PLS1: variants seen among roughly 807,000 people sequenced by gnomAD.
The protein encoded by PLS1 is plastin 1.
In PLS1, 32 loss-of-function variants were observed where a neutral mutation model predicts 73.7. That is an observed-to-expected ratio of 0.43 (90% CI 0.33 to 0.58). The LOEUF (loss-of-function observed/expected upper bound fraction) is 0.58. Among genes scored for constraint, PLS1 ranks in the 20% least tolerant of loss-of-function variants. The pLI is 0.04. For missense variants in PLS1, 633 were observed against 740.5 expected (o/e 0.85, Z 1.68); for synonymous variants, 217 against 261.3 (o/e 0.83, Z 1.63).
chr3:142,641,264 A>G (rs1033201947), intron 1 of PLS1, among the ~76,000 whole-genome samples: 3 of 145,680 alleles, frequency 2.1e-5, no homozygotes, highest in African/African-American at 7.5e-5. Context: ...TCTATATATT[A>G]TATGTATTAT....
intron 1 of PLS1, among the ~76,000 whole-genome samples, chr3:142,617,770 G>A (rs2036241127): frequency 1.3e-5 from 2 of 152,094 alleles, no homozygotes; most frequent in Admixed American, 1.3e-4. Context: ...TTGAGGTCGG[G>A]AGTTTAAGAC....
intron 1 of PLS1, among the ~76,000 whole-genome samples, chr3:142,641,298 A>G (rs1375878182): frequency 6.8e-6 from 1 of 146,176 alleles, no homozygotes; most frequent in Non-Finnish European, 1.5e-5. Flanking sequence ...TTATATATAG[A>G]TAAATAATAT....
At chr3:142,668,708 T>C (rs919332983) in intron 2 of PLS1, among the ~76,000 whole-genome samples, 1 of 152,004 alleles carries the variant, frequency 6.6e-6, no homozygotes, top group African/African-American at 2.4e-5. Flanking sequence ...TTCAAGTGAT[T>C]CTCTTACCTC....
At chr3:142,643,110 T>C (rs2036876581) in intron 1 of PLS1, among the ~76,000 whole-genome samples, 1 of 152,146 alleles carries the variant, frequency 6.6e-6, no homozygotes, top group Admixed American at 6.6e-5. Context: ...GGTTGCAAAT[T>C]GTAGAAGCTG....
intron 1 of PLS1, among the ~76,000 whole-genome samples, chr3:142,600,913 TATA>T (rs1284692872): frequency 2.8e-4 from 8 of 28,686 alleles, no homozygotes; most frequent in Middle Eastern, 0.013. Flanking sequence ...TATATATATA[TATA>T]TTTTTTTTTT....
At chr3:142,628,689 TCA>T (rs1451862950) in intron 1 of PLS1, among the ~76,000 whole-genome samples, 1 of 152,234 alleles carries the variant, frequency 6.6e-6, no homozygotes, top group Non-Finnish European at 1.5e-5. Context: ...CCATGAAGAA[TCA>T]CTTTCAAACT....
At chr3:142,655,267 T>C (rs2037197487) in intron 1 of PLS1, among the ~76,000 whole-genome samples, 1 of 152,178 alleles carries the variant, frequency 6.6e-6, no homozygotes, top group African/African-American at 2.4e-5. Flanking sequence ...TTCCAAGCTG[T>C]CAAGTTGAGA....
At chr3:142,701,968 C>G (rs1481118922) in intron 12 of PLS1, among the ~76,000 whole-genome samples, 2 of 152,158 alleles carry the variant, frequency 1.3e-5, no homozygotes, top group Non-Finnish European at 2.9e-5. Context: ...ATTCTTACAG[C>G]ATATATTTCT....
In PLS1 at chr3:142,711,904, C is replaced by A; in HGVS notation, c.1787C>A (p.Ala596Asp). The change falls in exon 16 of 16, where the codon GCC (alanine) becomes GAC (aspartate). Residue 596 changes from alanine to aspartate, a missense_variant. By Grantham distance (126) the Ala-to-Asp change is moderately radical. Coordinates refer to ENST00000457734, the MANE Select transcript of PLS1 (RefSeq NM_001145319.2). The part of the protein sequence containing the change: ...YAISVARKIG[A>D]RIYALPDDLV... ...ATTTCAGTTGCTCGAAAGATCGGTG[C>A]CCGGATATATGCATTACCTGATGAC... The A allele has an allele frequency of 1.9e-6, 3 of 1,613,470 alleles. No homozygotes were observed. The highest frequency in any genetic ancestry group is 2.5e-6 in the Non-Finnish European group (3 of 1,179,500).
intron 14 of PLS1, among the ~76,000 whole-genome samples, chr3:142,705,612 T>C (rs548278779): frequency 6.6e-6 from 1 of 152,320 alleles, no homozygotes; most frequent in East Asian, 1.9e-4. Context: ...AAATTTGTGG[T>C]TTTTTTACTG....
chr3:142,643,849 A>T (rs2354176), intron 1 of PLS1, among the ~76,000 whole-genome samples: 3 of 142,182 alleles, frequency 2.1e-5, no homozygotes, highest in East Asian at 2.1e-4. Context: ...TTTTTTTTGA[A>T]ATGGAGTTTC....
chr3:142,706,244 A>G (rs1028527716), intron 14 of PLS1, among the ~76,000 whole-genome samples: 3 of 152,224 alleles, frequency 2.0e-5, no homozygotes, highest in Admixed American at 6.5e-5. Context: ...CAAAGATTGT[A>G]TAACTGAGAA....
chr3:142,706,950 T>C (rs1395517316), intron 14 of PLS1, among the ~76,000 whole-genome samples: 1 of 151,700 alleles, frequency 6.6e-6, no homozygotes, highest in Non-Finnish European at 1.5e-5. Flanking sequence ...TTTAGGAAAA[T>C]GGGGGTGGTG....
chr3:142,682,538 C>T (rs1413002170), intron 6 of PLS1, among the ~76,000 whole-genome samples: 2 of 152,136 alleles, frequency 1.3e-5, no homozygotes, highest in African/African-American at 4.8e-5. Context: ...TCTTTTGGCC[C>T]ACAGTACCAT....
chr3:142,663,852 A>T (rs1354598077), intron 1 of PLS1, among the ~76,000 whole-genome samples: 1 of 152,230 alleles, frequency 6.6e-6, no homozygotes, highest in East Asian at 1.9e-4. Context: ...CTTATGCTGT[A>T]CATTTATAAA....
At chr3:142,597,233 C>T (rs1358011737) in intron 1 of PLS1, 3 of 152,174 alleles carry the variant, frequency 2.0e-5, no homozygotes, top group Non-Finnish European at 4.4e-5. Context: ...ATCTTTCCCT[C>T]CAGCCACGGT....
At chr3:142,651,706 T>C (rs2037097293) in intron 1 of PLS1, among the ~76,000 whole-genome samples, 1 of 152,206 alleles carries the variant, frequency 6.6e-6, no homozygotes, top group Non-Finnish European at 1.5e-5. Flanking sequence ...GAATCAAGAA[T>C]GTGAGGAACC....
intron 1 of PLS1, among the ~76,000 whole-genome samples, chr3:142,637,649 A>G (rs190936260): frequency 7.1e-4 from 108 of 152,264 alleles, no homozygotes; most frequent in Non-Finnish European, 1.1e-3. Flanking sequence ...GTTTTGTGTA[A>G]ATTATGTTTT....
intron 9 of PLS1, 147 bp downstream of exon 9, chr3:142,686,523 CTT>C: frequency 1.6e-6 from 1 of 615,210 alleles, no homozygotes; most frequent in Non-Finnish European, 2.9e-6. Context: ...TCTCTACAAA[CTT>C]TTCATCATCC....
Sources: allele counts gnomAD v4.1 joint callset (sites outside exome capture counted in the v4.1 genomes callset), GRCh38; gene constraint gnomAD v4.1.1; transcripts MANE v1.5; gene names NCBI Gene and HGNC (gene_info 2026-07-23, HGNC 2026-07-21).